Variants in NYAP2 observed in about 807,000 individuals in gnomAD.
NYAP2 encodes the protein neuronal tyrosine-phosphorylated phosphoinositide-3-kinase adapter 2.
Under a neutral mutation model 50.4 loss-of-function variants are expected in NYAP2, and 23 were observed. The ratio of observed to expected loss-of-function variants is 0.46; its 90% CI spans 0.33 to 0.65. The LOEUF (loss-of-function observed/expected upper bound fraction) is 0.65, where lower values mean the gene tolerates loss of function less well. Ranked by LOEUF, NYAP2 falls within the 30% of genes least tolerant of loss-of-function variation. The pLI is 0.02. For synonymous variants in NYAP2, 394 were observed against 365.2 expected (o/e 1.08, Z -0.90); for missense variants, 885 against 861.0 (o/e 1.03, Z -0.35).
chr2:225,604,198 G>A (rs1191081346), intron 5 of NYAP2, among the ~76,000 whole-genome samples: 1 of 151,952 alleles, frequency 6.6e-6, no homozygotes, highest in Non-Finnish European at 1.5e-5. Context: ...CAAGGGAGCA[G>A]ATGGCAGACA....
At chr2:225,626,797 C>A in intron 5 of NYAP2, 120 bp from the exon 6 acceptor site, 1 of 750,944 alleles carries the variant, frequency 1.3e-6, no homozygotes, top group South Asian at 1.8e-5. Context: ...TTGTAGTCTC[C>A]AAGTCTGAGT....
At chr2:225,615,865 G>A (rs1192331025) in intron 5 of NYAP2, among the ~76,000 whole-genome samples, 1 of 152,178 alleles carries the variant, frequency 6.6e-6, no homozygotes, top group Non-Finnish European at 1.5e-5. Context: ...CAAAGGCCCT[G>A]TGCCTCCACC....
the NYAP2 span, among the ~76,000 whole-genome samples, chr2:225,692,892 C>CAT: frequency 6.6e-6 from 1 of 150,870 alleles, no homozygotes; most frequent in African/African-American, 2.4e-5. Flanking sequence ...CACACACACA[C>CAT]ATATATTTAC....
At chr2:225,659,085 C>A in the NYAP2 span, among the ~76,000 whole-genome samples, 1 of 152,118 alleles carries the variant, frequency 6.6e-6, no homozygotes, top group African/African-American at 2.4e-5. Context: ...GTATAATAAG[C>A]AAGAAGATGT....
intron 3 of NYAP2, among the ~76,000 whole-genome samples, chr2:225,491,329 C>T (rs1690400959): frequency 6.6e-6 from 1 of 152,150 alleles, no homozygotes; most frequent in Non-Finnish European, 1.5e-5. Context: ...GGAAGTGTCC[C>T]ATTGCTTGTC....
the NYAP2 span, among the ~76,000 whole-genome samples, chr2:225,667,089 T>TA: frequency 1.3e-5 from 2 of 152,194 alleles, no homozygotes; most frequent in African/African-American, 2.4e-5. Context: ...TTGTGCAAGC[T>TA]AAAAAAATCA....
the NYAP2 span, among the ~76,000 whole-genome samples, chr2:225,677,905 G>A: frequency 6.6e-6 from 1 of 152,082 alleles, no homozygotes; most frequent in African/African-American, 2.4e-5. Context: ...CCAGATTTTG[G>A]TATCAGGATG....
intron 2 of NYAP2, among the ~76,000 whole-genome samples, chr2:225,402,267 T>C (rs1410394570): frequency 6.6e-6 from 1 of 151,994 alleles, no homozygotes; most frequent in Non-Finnish European, 1.5e-5. Flanking sequence ...AAGAGAAGTG[T>C]AAAAATCCTA....
intron 3 of NYAP2, among the ~76,000 whole-genome samples, chr2:225,439,153 C>T (rs543381105): frequency 8.3e-4 from 127 of 152,172 alleles, no homozygotes; most frequent in African/African-American, 2.8e-3. Context: ...AAGGCAGACA[C>T]CCAAGTGTAT....
At chr2:225,606,116 C>A (rs1476173293) in intron 5 of NYAP2, among the ~76,000 whole-genome samples, 1 of 152,038 alleles carries the variant, frequency 6.6e-6, no homozygotes, top group African/African-American at 2.4e-5. Flanking sequence ...GTCTAAATTC[C>A]TCATTTACAG....
At chr2:225,593,451 C>A (rs1259851446) in intron 5 of NYAP2, among the ~76,000 whole-genome samples, 1 of 152,178 alleles carries the variant, frequency 6.6e-6, no homozygotes, top group South Asian at 2.1e-4. Flanking sequence ...TTCTCCCTTG[C>A]TGAAAGGACT....
chr2:225,526,419 A>T (rs1479398295), intron 4 of NYAP2, among the ~76,000 whole-genome samples: 1 of 152,222 alleles, frequency 6.6e-6, no homozygotes, highest in Non-Finnish European at 1.5e-5. Flanking sequence ...AGACAACAGC[A>T]GTGACTTCCC....
rs527429670 is a variant in NYAP2, at chr2:225,510,867, A to C, written c.222-2504A>C. ...ATTAAGTTGTTGTATGCTGTTAAAA[A>C]AGATAATTCTGAAATGAAGCAGACT... On this transcript the variant is annotated intron_variant, in intron 3 of 6. Transcript: ENST00000636099. 7.0e-4 allele frequency among the ~76,000 whole-genome samples: 107 copies of C among 152,256 alleles called. 1 individual carries two copies. The highest frequency in any genetic ancestry group is 1.2e-3 in the Non-Finnish European group (79 of 68,020).
intron 5 of NYAP2, among the ~76,000 whole-genome samples, chr2:225,612,411 G>T (rs916155383): frequency 6.6e-6 from 1 of 151,994 alleles, no homozygotes; most frequent in African/African-American, 2.4e-5. Flanking sequence ...TTCATGTCCT[G>T]GTTCCTCCTG....
At chr2:225,662,006 G>C in the NYAP2 span, among the ~76,000 whole-genome samples, 1 of 152,162 alleles carries the variant, frequency 6.6e-6, no homozygotes. Context: ...TTACAGGCGT[G>C]AGCCACTGCA....
At chr2:225,502,109 G>A (rs980511659) in intron 3 of NYAP2, among the ~76,000 whole-genome samples, 6 of 152,164 alleles carry the variant, frequency 3.9e-5, no homozygotes, top group Admixed American at 2.0e-4. Context: ...GCTATCAAAG[G>A]GTTTTAATTT....
chr2:225,415,177 T>C (rs1359014318), intron 3 of NYAP2, among the ~76,000 whole-genome samples: 3 of 152,126 alleles, frequency 2.0e-5, no homozygotes, highest in African/African-American at 7.2e-5. Flanking sequence ...GAAATGGAAT[T>C]ACATTACTTA....
chr2:225,682,598 C>T, the NYAP2 span, among the ~76,000 whole-genome samples: 281 of 152,216 alleles, frequency 1.8e-3, 1 homozygote, highest in African/African-American at 6.3e-3. Flanking sequence ...CTTGTCATTA[C>T]GGTTTTTATG....
chr2:225,460,896 C>T (rs1574626277), intron 3 of NYAP2, among the ~76,000 whole-genome samples: 1 of 147,590 alleles, frequency 6.8e-6, no homozygotes, highest in Non-Finnish European at 1.5e-5. Context: ...GGGAGGCTGA[C>T]GCAAGAGAAT....
Sources: allele counts gnomAD v4.1 joint callset (sites outside exome capture counted in the v4.1 genomes callset), GRCh38; gene constraint gnomAD v4.1.1; transcripts MANE v1.5; gene names NCBI Gene and HGNC (gene_info 2026-07-23, HGNC 2026-07-21).